The following C10orf71 variants were observed in gnomAD, a reference collection of about 807,000 sequenced individuals.
The protein encoded by C10orf71 is cardiac-enriched FHL2-interacting protein.
For synonymous variants in C10orf71, 758 were observed against 726.3 expected (o/e 1.04, Z -0.70); for missense variants, 1,869 against 1,804.5 (o/e 1.04, Z -0.65).
Position 49,325,362 on chromosome 10 carries a change from G to A in C10orf71, c.2817G>A (p.Gly939=). 1 of 1,551,736 alleles carries A rather than the reference G, an allele frequency of 6.4e-7. No homozygotes were observed. The highest frequency in any genetic ancestry group is 2.0e-5 in the Admixed American group (1 of 51,016). Residue 939 remains glycine (G), a synonymous_variant, in exon 3 of 3, where the codon GGG becomes GGA. Transcript: ENST00000374144. The stretch of plus-strand genomic sequence containing the variant: ...CCAACGAGGTCATGGAGGACCCTGG[G>A]CAGGGGTCGAGCATGGCCAGGATGG... ...CMANEVMEDP[G]QGSSMARMEA...
At position 49,325,768 on chromosome 10, in the gene C10orf71, A is replaced by G; in HGVS notation, c.3223A>G (p.Ile1075Val). 1 of 1,551,456 alleles carries G rather than the reference A, an allele frequency of 6.4e-7. No homozygotes were observed. Among genetic ancestry groups the G allele is most frequent in the Non-Finnish European group, 8.7e-7 (1 of 1,146,892 alleles). The change falls in exon 3 of 3, where the codon ATT (isoleucine) becomes GTT (valine). Residue 1075 changes from isoleucine to valine, a missense_variant. Physicochemically the swap from Ile to Val is conservative, Grantham distance 29. Transcript: ENST00000374144. Reference protein sequence around the residue: ...SSACSPAASNIWEESSQAPGG... With the variant: ...SSACSPAASNVWEESSQAPGG... Reference sequence around the variant, plus strand: ...TGCCTGCTCCCCTGCTGCCAGCAACATTTGGGAGGAGTCTTCCCAGGCCCC... The same window carrying G: ...TGCCTGCTCCCCTGCTGCCAGCAACGTTTGGGAGGAGTCTTCCCAGGCCCC...
Position 49,316,256 on chromosome 10 carries a change from C to T in C10orf71, c.-145+9C>T. On this transcript the variant is annotated intron_variant, in intron 2 of 2. Coordinates refer to ENST00000374144, the MANE Select transcript of C10orf71 (RefSeq NM_001135196.2). ...TTCCAGTGCTGTAACAGGTATGGAA[C>T]TAATCTAAGAGTAGGCATCTAGAAA... is the stretch of plus-strand genomic sequence containing the variant. 1 of 151,798 alleles carries T rather than the reference C, an allele frequency of 6.6e-6. No homozygotes were observed. Among genetic ancestry groups the T allele is most frequent in the Non-Finnish European group, 1.5e-5 (1 of 67,998 alleles). The allele number at this position is 151,798 out of a possible 1,614,324, so 9.4% of individuals were successfully genotyped here.
In C10orf71 at chr10:49,319,702, A is replaced by ATG. The variant is rs1366645938; in HGVS notation, c.-144-2699_-144-2698insGT. Among the ~76,000 whole-genome samples the ATG allele has an allele frequency of 3.1e-4, 8 of 25,824 alleles. No homozygotes were observed. The Admixed American group carries it at 3.9e-3, about 13-fold the overall frequency. The allele number at this position is 25,824 out of a possible 152,430, so 16.9% of individuals were successfully genotyped here. A position where few individuals can be genotyped will look rare whatever the true frequency, so the allele number is the denominator to read the frequency against. On this transcript the variant is annotated intron_variant, in intron 2 of 2. Transcript: ENST00000374144. ...ACAAGCTATATATATATATATATAT[A>ATG]TATATATATATATATATATATATAT... is the stretch of plus-strand genomic sequence containing the variant.
intron 1 of C10orf71, among the ~76,000 whole-genome samples, chr10:49,305,780 C>A (rs1590324141): frequency 6.6e-6 from 1 of 152,232 alleles, no homozygotes; most frequent in African/African-American, 2.4e-5. Flanking sequence ...AGAAACGGGG[C>A]ACCCGTAAGT....
At chr10:49,308,122 G>A (rs1007801118) in intron 1 of C10orf71, among the ~76,000 whole-genome samples, 1 of 152,204 alleles carries the variant, frequency 6.6e-6, no homozygotes, top group Non-Finnish European at 1.5e-5. Flanking sequence ...TCCCCAGAGG[G>A]CAGCAGCCCC....
In C10orf71 at chr10:49,326,931, A is replaced by ACACACACACACC. The variant is rs1403341128; in HGVS notation, c.*89_*90insCCACACACACAC. ...CCCTCCCCCAAAACAAGCAACACAC[A>ACACACACACACC]CACACACACACACACACACACACAC... On this transcript the variant is annotated 3_prime_UTR_variant, in exon 3 of 3. Coordinates refer to ENST00000374144, the MANE Select transcript of C10orf71 (RefSeq NM_001135196.2). 1.3e-6 allele frequency: 2 copies of ACACACACACACC among 1,512,720 alleles called. No homozygotes were observed. The highest frequency in any genetic ancestry group is 2.5e-5 in the South Asian group (2 of 79,592). 93.7% of individuals were successfully genotyped at this position (1,512,720 alleles called of 1,614,324 possible). A position where few individuals can be genotyped will look rare whatever the true frequency, so the allele number is the denominator to read the frequency against.
At chr10:49,306,407 A>G (rs979777804) in intron 1 of C10orf71, among the ~76,000 whole-genome samples, 15 of 152,234 alleles carry the variant, frequency 9.9e-5, no homozygotes, top group Non-Finnish European at 1.9e-4. Context: ...ACAGCACTTT[A>G]GAGCTGGGTC....
rs1232514605 is a variant in C10orf71 at position 49,323,079 on chromosome 10, T to C, written c.534T>C (p.Pro178=). 2 of 1,613,906 alleles carry C rather than the reference T, an allele frequency of 1.2e-6. No individual in the cohort carries two copies. Among genetic ancestry groups the C allele is most frequent in the Non-Finnish European group, 1.7e-6 (2 of 1,179,896 alleles). Residue 178 remains proline (P), a synonymous_variant, in exon 3 of 3, where the codon CCT becomes CCC. Coordinates refer to ENST00000374144, the MANE Select transcript of C10orf71 (RefSeq NM_001135196.2). ...PALKNPPKFA[P]LPENSVNFCF... is the part of the protein sequence containing the mutation. ...TGAAAAATCCTCCCAAATTCGCTCC[T>C]CTTCCAGAAAACAGTGTCAACTTCT... is the stretch of plus-strand genomic sequence containing the variant.
At chr10:49,304,384 C>T (rs147118327) in intron 1 of C10orf71, among the ~76,000 whole-genome samples, 15 of 152,258 alleles carry the variant, frequency 9.9e-5, no homozygotes, top group South Asian at 2.1e-4. Context: ...ATTCCTTTTG[C>T]GTCAGCCCTA....
chr10:49,319,767 T>G (rs1849064305), intron 2 of C10orf71, among the ~76,000 whole-genome samples: 1 of 24,392 alleles, frequency 4.1e-5, no homozygotes, highest in Non-Finnish European at 9.4e-5. Flanking sequence ...TATGTATATG[T>G]ATATCACACA....
chr10:49,326,904 C>A lies in C10orf71; in HGVS notation c.*51C>A. ...CAGATGAACCCAGAGGAGCTTACTT[C>A]CCCCTCCCCCAAAACAAGCAACACA... On this transcript the variant is annotated 3_prime_UTR_variant, in exon 3 of 3. Transcript: ENST00000374144. 3 of 1,310,580 alleles carry A rather than the reference C, an allele frequency of 2.3e-6. No individual in the cohort carries two copies. Among genetic ancestry groups the A allele is most frequent in the South Asian group, 2.7e-5 (2 of 73,872 alleles). 81.2% of individuals were successfully genotyped at this position (1,310,580 alleles called of 1,614,324 possible).
At position 49,327,292 on chromosome 10, in the gene C10orf71, C is replaced by G. The variant is rs368089056; in HGVS notation, c.*439C>G. On this transcript the variant is annotated 3_prime_UTR_variant, in exon 3 of 3. Transcript: ENST00000374144. ...CTCCTTGATGAGCAAACCCCTAAGG[C>G]CCCCAGCTCAGACTCAGCAGGCATT... 2 of 279,302 alleles carry G rather than the reference C, an allele frequency of 7.2e-6. No homozygotes were observed. Among genetic ancestry groups the G allele is most frequent in the Admixed American group, 9.5e-5 (2 of 21,140 alleles). The allele number at this position is 279,302 out of a possible 1,614,324, so 17.3% of individuals were successfully genotyped here. A position where few individuals can be genotyped will look rare whatever the true frequency, so the allele number is the denominator to read the frequency against.
At chr10:49,322,055 G>A (rs1849102489) in intron 2 of C10orf71, among the ~76,000 whole-genome samples, 1 of 152,082 alleles carries the variant, frequency 6.6e-6, no homozygotes, top group Non-Finnish European at 1.5e-5. Context: ...TTCCCTTGCT[G>A]TGCAGAAGCT....
chr10:49,309,568 A>G (rs1399830023), intron 1 of C10orf71, among the ~76,000 whole-genome samples: 1 of 152,216 alleles, frequency 6.6e-6, no homozygotes, highest in Non-Finnish European at 1.5e-5. Context: ...CTCATAAAGC[A>G]TAGACCATAG....
rs759666843 is a variant in C10orf71 at position 49,327,099 on chromosome 10, G to A, written c.*246G>A. ...CTGCTTGCTTGGCCCGGTCCCCTCC[G>A]TGCCAGTTCCCAGGCGCACTCTACT... On this transcript the variant is annotated 3_prime_UTR_variant, in exon 3 of 3. Transcript: ENST00000374144. The A allele has an allele frequency of 1.2e-5, 17 of 1,382,292 alleles. No homozygotes were observed. In the Middle Eastern group the frequency reaches 7.7e-4, roughly 63 times the overall value. The allele number at this position is 1,382,292 out of a possible 1,614,324, so 85.6% of individuals were successfully genotyped here.
intron 1 of C10orf71, among the ~76,000 whole-genome samples, chr10:49,305,309 G>A (rs1403130607): frequency 6.6e-6 from 1 of 152,134 alleles, no homozygotes; most frequent in African/African-American, 2.4e-5. Flanking sequence ...GCTAGAGGAG[G>A]CTCTCTAAAG....
Position 49,324,363 on chromosome 10 carries a change from G to A in C10orf71, c.1818G>A (p.Gly606=). ...TIAKAPFYVN[G]EAAERSSYEN... is the part of the protein sequence containing the mutation. ...CCAAAGCCCCCTTCTATGTCAATGGGGAGGCTGCTGAGAGAAGCAGTTATG... is the reference window on the plus strand; with the variant it reads ...CCAAAGCCCCCTTCTATGTCAATGGAGAGGCTGCTGAGAGAAGCAGTTATG... Residue 606 remains glycine, a synonymous_variant, in exon 3 of 3, where the codon GGG becomes GGA. Coordinates refer to ENST00000374144, the MANE Select transcript of C10orf71 (RefSeq NM_001135196.2). The A allele has an allele frequency of 6.2e-7, 1 of 1,613,820 alleles. No individual in the cohort carries two copies. Among genetic ancestry groups the A allele is most frequent in the South Asian group, 1.1e-5 (1 of 91,046 alleles).
rs1261709372 is a variant in C10orf71, at chr10:49,322,911, C to T, written c.366C>T (p.Val122=). Residue 122 remains valine, a synonymous_variant, in exon 3 of 3, where the codon GTC becomes GTT. Coordinates refer to ENST00000374144, the MANE Select transcript of C10orf71 (RefSeq NM_001135196.2). ...AAACCAGCCCCCCACCAACGCCAGT[C>T]CAGAGGAGACTGGAGGTGCCAGTTT... ...YPKTSPPPTP[V]QRRLEVPVSG... The T allele has an allele frequency of 1.9e-6, 3 of 1,613,804 alleles. No individual in the cohort carries two copies. The highest frequency in any genetic ancestry group is 2.5e-6 in the Non-Finnish European group (3 of 1,179,854).
intron 1 of C10orf71, among the ~76,000 whole-genome samples, chr10:49,309,457 T>G (rs1448404098): frequency 1.3e-5 from 2 of 152,192 alleles, no homozygotes; most frequent in African/African-American, 4.8e-5. Context: ...GATCTGCCAG[T>G]GCCTTGATCT....
Sources: gnomAD v4.1 joint callset for allele counts (sites outside exome capture counted in the v4.1 genomes callset) on GRCh38, gnomAD v4.1.1 for gene constraint, MANE v1.5 for transcripts, NCBI Gene and HGNC (gene_info 2026-07-23, HGNC 2026-07-21) for gene names.